The following FYB2 variants were observed in gnomAD, a reference collection of about 807,000 sequenced individuals.
FYB2 encodes FYN-binding protein 2.
FYB2 carries 103 observed loss-of-function variants against 94.1 expected under a neutral mutation model. The observed-to-expected ratio is 1.09, with a 90% confidence interval of 0.93 to 1.29. The LOEUF is 1.29. Among genes scored for constraint, FYB2 ranks in the 50% most tolerant of loss-of-function variants. The pLI, the probability that FYB2 is intolerant of heterozygous loss-of-function variation, is 0.00. For synonymous variants in FYB2, 293 were observed against 287.9 expected (o/e 1.02, Z -0.18); for missense variants, 896 against 841.5 (o/e 1.06, Z -0.80).
At chr1:56,745,255 A>T (rs1645042372) in intron 9 of FYB2, among the ~76,000 whole-genome samples, 1 of 152,064 alleles carries the variant, frequency 6.6e-6, no homozygotes, top group South Asian at 2.1e-4. Context: ...TTTTAAAAAC[A>T]CTGACGACTC....
At chr1:56,793,110 C>A (rs1308542835) in intron 1 of FYB2, among the ~76,000 whole-genome samples, 4 of 152,000 alleles carry the variant, frequency 2.6e-5, no homozygotes, top group Non-Finnish European at 5.9e-5. Context: ...GTGGAGAAAC[C>A]CCTTGATACA....
At chr1:56,744,764 T>C (rs779810402) in intron 9 of FYB2, among the ~76,000 whole-genome samples, 1 of 152,010 alleles carries the variant, frequency 6.6e-6, no homozygotes, top group African/African-American at 2.4e-5. Context: ...GAAGATAGTG[T>C]GCCAGGTTAA....
rs748379827 is a variant in FYB2, at chr1:56,737,154, T to C, written c.1733-7A>G. On this transcript the variant is annotated splice_polypyrimidine_tract_variant and splice_region_variant and intron_variant, in intron 14 of 19. Transcript: ENST00000343433. ...ACTTCCTGAGACTTAAGTTCTAGGG[T>C]CAAGACAGAATCAAAATAGTCCATT... The C allele has an allele frequency of 2.5e-6, 4 of 1,595,978 alleles. No individual in the cohort carries two copies. In the African/African-American group the frequency reaches 5.4e-5, roughly 22 times the overall value.
At chr1:56,763,911 T>C (rs1329139180) in intron 5 of FYB2, among the ~76,000 whole-genome samples, 1 of 152,096 alleles carries the variant, frequency 6.6e-6, no homozygotes, top group African/African-American at 2.4e-5. Flanking sequence ...GCATTTCTTT[T>C]AGATTTGCTT....
intron 5 of FYB2, among the ~76,000 whole-genome samples, chr1:56,759,906 C>T (rs530997310): frequency 6.6e-6 from 1 of 152,122 alleles, no homozygotes; most frequent in Admixed American, 6.5e-5. Flanking sequence ...GAGAGTGAAA[C>T]ACTATCTCCA....
At chr1:56,720,779 CCAGA>C (rs1043224964) in intron 17 of FYB2, 3 of 153,578 alleles carry the variant, frequency 2.0e-5, no homozygotes, top group African/African-American at 7.2e-5. Flanking sequence ...CACCCTATCC[CCAGA>C]CAGACCCCAG....
intron 7 of FYB2, among the ~76,000 whole-genome samples, 156 bp from the exon 8 acceptor site, chr1:56,754,091 T>C (rs1247573311): frequency 6.6e-6 from 1 of 152,092 alleles, no homozygotes; most frequent in East Asian, 1.9e-4. Flanking sequence ...ATCAATTATA[T>C]ACATAGCTTC....
intron 15 of FYB2, among the ~76,000 whole-genome samples, chr1:56,728,605 C>T (rs780317532): frequency 1.8e-4 from 27 of 151,948 alleles, no homozygotes; most frequent in Non-Finnish European, 3.5e-4. Flanking sequence ...TTTTAAATAA[C>T]GAGGGATAAA....
intron 1 of FYB2, among the ~76,000 whole-genome samples, chr1:56,816,752 AC>A (rs1270052716): frequency 6.6e-6 from 1 of 152,262 alleles, no homozygotes; most frequent in East Asian, 1.9e-4. Context: ...TACGTCTAAA[AC>A]CAATTCCTAA....
chr1:56,718,987 A>AGAT lies in FYB2; in HGVS notation c.*681_*683dup, dbSNP rs1644437430. ...ACAATTGTTCTTATTTTGGACAAAA[A>AGAT]GATGTTTTAAAGTAATACAGCATAT... is the stretch of plus-strand genomic sequence containing the variant. On this transcript the variant is annotated 3_prime_UTR_variant, in exon 20 of 20. Coordinates refer to ENST00000343433, the MANE Select transcript of FYB2 (RefSeq NM_001004303.5). The AGAT allele has an allele frequency of 6.6e-6, 1 of 152,578 alleles. No homozygotes were observed. Among genetic ancestry groups the AGAT allele is most frequent in the African/African-American group, 2.4e-5 (1 of 41,462 alleles). The allele number at this position is 152,578 out of a possible 1,614,324, so 9.5% of individuals were successfully genotyped here.
intron 5 of FYB2, among the ~76,000 whole-genome samples, chr1:56,764,201 G>A (rs960254334): frequency 2.1e-4 from 32 of 152,036 alleles, no homozygotes; most frequent in African/African-American, 7.5e-4. Context: ...TGATCCACTC[G>A]CCTCGGCCTT....
In FYB2 at chr1:56,818,497, CACAT is replaced by C. The variant is rs1489054470; in HGVS notation, c.9+781_9+784del. 8.4e-4 allele frequency among the ~76,000 whole-genome samples: 116 copies of C among 137,726 alleles called. 1 individual carries two copies. Among genetic ancestry groups the C allele is most frequent in the African/African-American group, 2.4e-3 (90 of 37,604 alleles). 90.4% of individuals were successfully genotyped at this position (137,726 alleles called of 152,430 possible). A position where few individuals can be genotyped will look rare whatever the true frequency, so the allele number is the denominator to read the frequency against. ...ACACACACACACACACACACACACA[CACAT>C]GCACACGCACATCAAAAGAAACTGA... On this transcript the variant is annotated intron_variant, in intron 1 of 19. Transcript: ENST00000343433.
chr1:56,751,842 G>A (rs1386671805), intron 8 of FYB2, among the ~76,000 whole-genome samples: 2 of 151,964 alleles, frequency 1.3e-5, no homozygotes, highest in African/African-American at 2.4e-5. Flanking sequence ...GATTAATTAG[G>A]GTATAATGTG....
At chr1:56,743,893 AT>A (rs1645012159) in intron 11 of FYB2, 132 bp downstream of exon 11, 1 of 904,894 alleles carries the variant, frequency 1.1e-6, no homozygotes, top group Non-Finnish European at 1.7e-6. Flanking sequence ...ATATCTTGGT[AT>A]TGCTTCTCTT....
At chr1:56,746,332 T>C (rs1645066361) in intron 9 of FYB2, among the ~76,000 whole-genome samples, 1 of 152,058 alleles carries the variant, frequency 6.6e-6, no homozygotes, top group African/African-American at 2.4e-5. Context: ...ACTGATATTT[T>C]TAAATTTTTA....
chr1:56,791,809 A>G (rs1646272433), intron 2 of FYB2, among the ~76,000 whole-genome samples: 1 of 152,228 alleles, frequency 6.6e-6, no homozygotes, highest in Admixed American at 6.5e-5. Context: ...GCAGCTTGTC[A>G]GAAGTCGAGC....
intron 3 of FYB2, among the ~76,000 whole-genome samples, chr1:56,788,526 T>C (rs1646182658): frequency 6.6e-6 from 1 of 152,130 alleles, no homozygotes; most frequent in African/African-American, 2.4e-5. Flanking sequence ...GTTGCAGGCT[T>C]TCAGTTAATT....
chr1:56,722,232 A>T (rs1478502673), intron 17 of FYB2, among the ~76,000 whole-genome samples: 1 of 152,132 alleles, frequency 6.6e-6, no homozygotes, highest in African/African-American at 2.4e-5. Context: ...TTCAAACAGG[A>T]ATTATCAGTG....
At chr1:56,799,732 C>T (rs1204441838) in intron 1 of FYB2, among the ~76,000 whole-genome samples, 1 of 152,256 alleles carries the variant, frequency 6.6e-6, no homozygotes, top group Middle Eastern at 3.4e-3. Flanking sequence ...TAAAGCATGG[C>T]ACAGACAGTT....
Sources: allele counts gnomAD v4.1 joint callset (sites outside exome capture counted in the v4.1 genomes callset), GRCh38; gene constraint gnomAD v4.1.1; transcripts MANE v1.5; gene names NCBI Gene and HGNC (gene_info 2026-07-23, HGNC 2026-07-21).